Variants in SNX9 observed in about 807,000 individuals in gnomAD.
SNX9 encodes sorting nexin 9.
Under a neutral mutation model 89.4 loss-of-function variants are expected in SNX9, and 44 were observed. That is an observed-to-expected ratio of 0.49 (90% CI 0.39 to 0.63). The LOEUF (loss-of-function observed/expected upper bound fraction) is 0.63. SNX9 is among the 30% of genes least tolerant of loss of function. SNX9 has a pLI of 0.00. For missense variants in SNX9, 578 were observed against 736.1 expected (o/e 0.79, Z 2.49); for synonymous variants, 236 against 247.8 (o/e 0.95, Z 0.45).
intron 2 of SNX9, 85 bp downstream of exon 2, chr6:157,867,718 T>G (rs978286496): frequency 9.2e-7 from 1 of 1,088,386 alleles, no homozygotes. Flanking sequence ...CATTCGAGTC[T>G]GATTGTCCCA....
At chr6:157,841,423 G>A (rs942265598) in intron 1 of SNX9, among the ~76,000 whole-genome samples, 24 of 152,296 alleles carry the variant, frequency 1.6e-4, no homozygotes, top group African/African-American at 5.8e-4. Context: ...CAGGGAGCTT[G>A]AAGGTCAGGA....
chr6:157,930,571 C>T lies in SNX9; in HGVS notation c.1289-1624C>T, dbSNP rs1033653664. ...ATCACTCACATTACCGCCTGAGCTCCGCCTCCTGTCAGATCAGCGGTGGCA... is the reference window on the plus strand; with the variant it reads ...ATCACTCACATTACCGCCTGAGCTCTGCCTCCTGTCAGATCAGCGGTGGCA... On this transcript the variant is annotated intron_variant, in intron 12 of 17. Transcript: ENST00000392185. Among the ~76,000 whole-genome samples the T allele has an allele frequency of 8.5e-5, 13 of 152,166 alleles. 1 individual carries two copies. Among genetic ancestry groups the T allele is most frequent in the South Asian group, 6.2e-4 (3 of 4,824 alleles).
At chr6:157,840,233 A>T (rs973624208) in intron 1 of SNX9, among the ~76,000 whole-genome samples, 2 of 129,938 alleles carry the variant, frequency 1.5e-5, no homozygotes, top group African/African-American at 6.4e-5. Flanking sequence ...GAAAGAGCAG[A>T]CCCTCAGGCT....
intron 4 of SNX9, among the ~76,000 whole-genome samples, chr6:157,889,143 CAG>C (rs1782801038): frequency 6.6e-6 from 1 of 152,058 alleles, no homozygotes; most frequent in South Asian, 2.1e-4. Context: ...ACAAAAATGT[CAG>C]AGACATCAGG....
chr6:157,869,922 A>G (rs532688890), intron 2 of SNX9, among the ~76,000 whole-genome samples: 1 of 151,122 alleles, frequency 6.6e-6, no homozygotes, highest in East Asian at 2.0e-4. Context: ...ACCCTCATAC[A>G]CCTCTCATGC....
chr6:157,869,997 CCT>C (rs562922941), intron 2 of SNX9, among the ~76,000 whole-genome samples: 50 of 152,186 alleles, frequency 3.3e-4, no homozygotes, highest in African/African-American at 1.1e-3. Flanking sequence ...CTCACTCTCA[CCT>C]CTCATGCACA....
At chr6:157,845,730 G>T (rs939215400) in intron 1 of SNX9, among the ~76,000 whole-genome samples, 1 of 152,160 alleles carries the variant, frequency 6.6e-6, no homozygotes, top group Non-Finnish European at 1.5e-5. Context: ...TAGCATACAG[G>T]CTGTGTGATA....
intron 1 of SNX9, among the ~76,000 whole-genome samples, chr6:157,866,043 C>A (rs1583206636): frequency 6.6e-6 from 1 of 152,144 alleles, no homozygotes; most frequent in East Asian, 1.9e-4. Context: ...GAAAGACAAT[C>A]ACTTAGAATT....
rs1230427577 is a variant in SNX9 at position 157,940,959 on chromosome 6, G to A, written c.1725G>A (p.Val575=). 6.2e-7 allele frequency: 1 copy of A among 1,614,086 alleles called. No individual in the cohort carries two copies. The change falls in exon 17 of 18, where the codon GTG becomes GTA. Residue 575 remains valine (V), a synonymous_variant. Transcript: ENST00000392185. ...SVIRLYLEQQ[V]QFYETIAEKL... Reference sequence around the variant, plus strand: ...TCCGCCTGTACCTGGAGCAGCAAGTGCAATTTTACGAAACGGTGAGTGGGC... The same window carrying A: ...TCCGCCTGTACCTGGAGCAGCAAGTACAATTTTACGAAACGGTGAGTGGGC...
chr6:157,837,961 C>T (rs1364548839), intron 1 of SNX9, among the ~76,000 whole-genome samples: 1 of 152,214 alleles, frequency 6.6e-6, no homozygotes, highest in Admixed American at 6.5e-5. Context: ...TATTATTATG[C>T]ATGAACATCA....
Position 157,861,323 on chromosome 6 carries a change from CATG to C in SNX9, c.13-6221_13-6219del, listed in dbSNP as rs1782114121. ...AATTTTAAGAGCAACATTCTGAGAA[CATG>C]ATAATTAATTGACCCGCATCCCCTT... On this transcript the variant is annotated intron_variant, in intron 1 of 17. Transcript: ENST00000392185. 3.3e-5 allele frequency among the ~76,000 whole-genome samples: 5 copies of C among 152,298 alleles called. No homozygotes were observed. The South Asian group carries it at 1.0e-3, about 32-fold the overall frequency.
chr6:157,854,622 CTG>C (rs1562595028), intron 1 of SNX9, among the ~76,000 whole-genome samples: 1 of 151,506 alleles, frequency 6.6e-6, no homozygotes, highest in Non-Finnish European at 1.5e-5. Flanking sequence ...CTTTTAGAAA[CTG>C]TTCCTTTTTA....
intron 1 of SNX9, among the ~76,000 whole-genome samples, chr6:157,828,079 C>T (rs1359984): frequency 2.0e-5 from 3 of 151,888 alleles, no homozygotes; most frequent in South Asian, 2.1e-4. Context: ...CTTTATTTGA[C>T]GACTAGAATA....
Position 157,908,099 on chromosome 6 carries a change from A to G in SNX9, c.706-1566A>G, listed in dbSNP as rs564009067. On this transcript the variant is annotated intron_variant, in intron 7 of 17. Transcript: ENST00000392185. ...TTTTCCCATCTTCCTCTTAAAAAAA[A>G]AAATTAGGACTGGGTATACCTTTTT... Among the ~76,000 whole-genome samples the G allele has an allele frequency of 3.3e-5, 5 of 152,322 alleles. No homozygotes were observed. In the East Asian group the frequency reaches 9.6e-4, roughly 29 times the overall value.
At chr6:157,891,488 T>G (rs901959834) in intron 4 of SNX9, among the ~76,000 whole-genome samples, 1 of 152,190 alleles carries the variant, frequency 6.6e-6, no homozygotes, top group Non-Finnish European at 1.5e-5. Context: ...TCTGATTTCC[T>G]CCTTTTGGTG....
At chr6:157,870,716 A>G (rs1430326046) in intron 2 of SNX9, among the ~76,000 whole-genome samples, 2 of 147,192 alleles carry the variant, frequency 1.4e-5, no homozygotes, top group Admixed American at 6.8e-5. Flanking sequence ...GCTCTCATAC[A>G]TACATGCACT....
chr6:157,931,378 C>A lies in SNX9; in HGVS notation c.1289-817C>A, dbSNP rs570862016. 2.0e-5 allele frequency among the ~76,000 whole-genome samples: 3 copies of A among 152,316 alleles called. No individual in the cohort carries two copies. In the South Asian group the frequency reaches 6.2e-4, roughly 32 times the overall value. ...TTTTTAAAGAAACATTAAAAGTTTT[C>A]TTTTTCTCCTTTAATACTGCAGTGA... On this transcript the variant is annotated intron_variant, in intron 12 of 17. Transcript: ENST00000392185.
intron 9 of SNX9, among the ~76,000 whole-genome samples, chr6:157,914,833 T>C (rs1023265585): frequency 7.2e-5 from 11 of 152,198 alleles, no homozygotes; most frequent in African/African-American, 7.2e-5. Context: ...TTTAATGAAG[T>C]TCACTATATC....
At chr6:157,871,872 G>A (rs991532191) in intron 2 of SNX9, among the ~76,000 whole-genome samples, 18 of 150,444 alleles carry the variant, frequency 1.2e-4, no homozygotes, top group African/African-American at 2.7e-4. Flanking sequence ...TGCCTTCTGG[G>A]TTTAAGCAAT....
Sources: gnomAD v4.1 joint callset for allele counts (sites outside exome capture counted in the v4.1 genomes callset) on GRCh38, gnomAD v4.1.1 for gene constraint, MANE v1.5 for transcripts, NCBI Gene and HGNC (gene_info 2026-07-23, HGNC 2026-07-21) for gene names.